AGRN: variants seen among roughly 807,000 people sequenced by gnomAD.
The protein encoded by AGRN is agrin.
A neutral mutation model predicts 211.0 loss-of-function variants in AGRN; 106 were observed. The observed-to-expected ratio is 0.50, with a 90% CI of 0.43 to 0.59. The LOEUF (loss-of-function observed/expected upper bound fraction) is 0.59, where lower values mean the gene tolerates loss of function less well. Ranked by LOEUF, AGRN falls within the 20% of genes least tolerant of loss-of-function variation. The pLI is 0.00. For missense variants in AGRN, 3,040 were observed against 2,982.6 expected (o/e 1.02, Z -0.45); for synonymous variants, 1,525 against 1,332.5 (o/e 1.14, Z -3.15).
intron 2 of AGRN, chr1:1,034,293 A>G: frequency 1.0e-6 from 1 of 985,430 alleles, no homozygotes; most frequent in Non-Finnish European, 1.2e-6. Context: ...GCGGGCTCCC[A>G]GTCCCTCCTC....
chr1:1,051,442 C>A lies in AGRN; in HGVS notation c.5371-11C>A. ...TGGCAGGCGGGACAAGGCCCTCACC[C>A]TGCCCTGCAGGTCTCCCTCGGAGGC... On this transcript the variant is annotated splice_polypyrimidine_tract_variant and intron_variant, in intron 31 of 35. Transcript: ENST00000379370. 2 of 1,549,940 alleles carry A rather than the reference C, an allele frequency of 1.3e-6. No individual in the cohort carries two copies. Among genetic ancestry groups the A allele is most frequent in the East Asian group, 4.7e-5 (2 of 42,306 alleles).
At chr1:1,039,732 G>A (rs1644884115) in intron 3 of AGRN, among the ~76,000 whole-genome samples, 1 of 152,088 alleles carries the variant, frequency 6.6e-6, no homozygotes, top group Non-Finnish European at 1.5e-5. Flanking sequence ...AACAGTTCCT[G>A]CACCTCTCCA....
chr1:1,053,525 C>T (rs560703896), intron 33 of AGRN: 127 of 1,529,544 alleles, frequency 8.3e-5, no homozygotes, highest in Non-Finnish European at 1.1e-4. Context: ...CTGCAGACCC[C>T]TGGCTGGCCC....
At position 1,051,249 on chromosome 1, in the gene AGRN, G is replaced by T. The variant is rs745930414; in HGVS notation, c.5254-4G>T. Reference sequence around the variant, plus strand: ...GCACAGCCACTTACCTGGCGTCCCCGCAGGTTCCGCACACCGTCCTCAACC... The same window carrying T: ...GCACAGCCACTTACCTGGCGTCCCCTCAGGTTCCGCACACCGTCCTCAACC... On this transcript the variant is annotated splice_region_variant and splice_polypyrimidine_tract_variant and intron_variant, in intron 30 of 35. Coordinates refer to ENST00000379370, the MANE Select transcript of AGRN (RefSeq NM_198576.4). 1.9e-6 allele frequency: 3 copies of T among 1,581,116 alleles called. No individual in the cohort carries two copies. The South Asian group carries it at 3.5e-5, about 18-fold the overall frequency.
chr1:1,026,928 G>A (rs1207125142), intron 2 of AGRN, among the ~76,000 whole-genome samples: 5 of 152,234 alleles, frequency 3.3e-5, no homozygotes, highest in Non-Finnish European at 7.3e-5. Flanking sequence ...GAGCAGTCCT[G>A]TGCGCCCCTC....
intron 2 of AGRN, among the ~76,000 whole-genome samples, chr1:1,025,867 C>T (rs975355170): frequency 1.3e-5 from 2 of 152,164 alleles, no homozygotes; most frequent in African/African-American, 4.8e-5. Context: ...GAAGGGCCCA[C>T]CTCTGTCCAT....
intron 6 of AGRN, 52 bp from the exon 7 acceptor site, chr1:1,041,904 G>A (rs1367840878): frequency 4.4e-6 from 7 of 1,602,836 alleles, no homozygotes; most frequent in South Asian, 3.3e-5. Flanking sequence ...TCCCAGGGCA[G>A]GGATGGAGGG....
chr1:1,034,781 G>A (rs1278656019), intron 2 of AGRN: 2 of 964,080 alleles, frequency 2.1e-6, no homozygotes, highest in South Asian at 4.0e-5. Context: ...TGGAGGCCGC[G>A]GCGGGTCCGC....
rs2100663874 is a variant in AGRN at position 1,047,436 on chromosome 1, C to T, written c.3498C>T (p.Ala1166=). 6.2e-7 allele frequency: 1 copy of T among 1,612,828 alleles called. No individual in the cohort carries two copies. Among genetic ancestry groups the T allele is most frequent in the Non-Finnish European group, 8.5e-7 (1 of 1,179,942 alleles). Residue 1166 remains alanine (A), a synonymous_variant, in exon 20 of 36, where the codon GCC becomes GCT. Transcript: ENST00000379370. The stretch of plus-strand genomic sequence containing the variant: ...AGTCAGAACTGTTCGGGGAGACAGC[C>T]AGGAGCATTGAGAGCACCGTAAGAC... ...DPKSELFGET[A]RSIESTLDDL...
Position 1,049,312 on chromosome 1 carries a change from C to G in AGRN, c.4375C>G (p.Leu1459Val), listed in dbSNP as rs1645202794. ...GCCGGGCCAGTGGCACCGCCTGGAG[C>G]TGTCCCGGCACTGGCGCCGGGGCAC... ...VEPGQWHRLE[L>V]SRHWRRGTLS... Residue 1459 changes from leucine to valine, a missense_variant, in exon 25 of 36, where the codon CTG becomes GTG. Coordinates refer to ENST00000379370, the MANE Select transcript of AGRN (RefSeq NM_198576.4). The G allele has an allele frequency of 3.1e-6, 5 of 1,597,564 alleles. No individual in the cohort carries two copies. The highest frequency in any genetic ancestry group is 4.2e-6 in the Non-Finnish European group (5 of 1,179,092).
chr1:1,053,839 C>G lies in AGRN; in HGVS notation c.5738C>G (p.Thr1913Arg), dbSNP rs201604787. Reference protein sequence around the residue: ...QGLVLWSGKATERADYVALAI... With the variant: ...QGLVLWSGKARERADYVALAI... The stretch of plus-strand genomic sequence containing the variant: ...CTGGTGCTCTGGAGTGGCAAGGCCA[C>G]GGAGCGGGCAGACTATGTGGCACTG... The change falls in exon 34 of 36, where the codon ACG (threonine) becomes AGG (arginine). Residue 1913 changes from threonine (T) to arginine (R), a missense_variant. By Grantham distance (71) the Thr-to-Arg change is moderately conservative. This residue lies in a region of AGRN where 1,537 missense variants were observed against 1,505.0 expected (regional missense o/e 1.02). Coordinates refer to ENST00000379370, the MANE Select transcript of AGRN (RefSeq NM_198576.4). 6.2e-7 allele frequency: 1 copy of G among 1,610,550 alleles called. No individual in the cohort carries two copies. Among genetic ancestry groups the G allele is most frequent in the Admixed American group, 1.7e-5 (1 of 59,670 alleles).
rs775832705 is a variant in AGRN at position 1,050,311 on chromosome 1, C to A, written c.4958C>A (p.Thr1653Asn). Reference sequence around the variant, plus strand: ...CACCTGGAGCTGAGAGGCCTGCACACCTTTGCACGGGACCTGGGGTCGGTG... The same window carrying A: ...CACCTGGAGCTGAGAGGCCTGCACAACTTTGCACGGGACCTGGGGTCGGTG... ...FSHLELRGLH[T>N]FARDLGEKMA... The change falls in exon 28 of 36, where the codon ACC becomes AAC. Residue 1653 changes from threonine to asparagine, a missense_variant. Transcript: ENST00000379370. The A allele has an allele frequency of 1.9e-6, 3 of 1,612,934 alleles. No individual in the cohort carries two copies. Among genetic ancestry groups the A allele is most frequent in the Non-Finnish European group, 2.5e-6 (3 of 1,179,906 alleles).
chr1:1,050,339 G>A lies in AGRN; in HGVS notation c.4976+10G>A. ...TTGCACGGGACCTGGGGTCGGTGGG[G>A]CAGGAGCAGGGGGAAGGGCCGGCCC... On this transcript the variant is annotated intron_variant, in intron 28 of 35. Coordinates refer to ENST00000379370, the MANE Select transcript of AGRN (RefSeq NM_198576.4). 6.2e-7 allele frequency: 1 copy of A among 1,612,832 alleles called. No individual in the cohort carries two copies. The highest frequency in any genetic ancestry group is 2.2e-5 in the East Asian group (1 of 44,872).
In AGRN at chr1:1,048,808, G is replaced by A. The variant is rs1022460592; in HGVS notation, c.4106-59G>A. On this transcript the variant is annotated intron_variant, in intron 23 of 35. Transcript: ENST00000379370. The surrounding 1 kb of genome is among the most constrained non-coding windows in gnomAD (Gnocchi z 5.9). ...AAAAAAAGCAGGGGGCGGTTTCAGG[G>A]ATAAAAGTGGGGAATCCTCGGAGCT... 7.6e-6 allele frequency: 11 copies of A among 1,448,052 alleles called. No individual in the cohort carries two copies. The highest frequency in any genetic ancestry group is 4.4e-5 in the African/African-American group (3 of 67,418). The allele number at this position is 1,448,052 out of a possible 1,614,324, so 89.7% of individuals were successfully genotyped here. A position where few individuals can be genotyped will look rare whatever the true frequency, so the allele number is the denominator to read the frequency against.
chr1:1,050,211 G>GGC (rs772639284), intron 27 of AGRN, 22 bp from the exon 28 acceptor site: 7 of 1,612,728 alleles, frequency 4.3e-6, no homozygotes, highest in Non-Finnish European at 5.1e-6. Flanking sequence ...CAGGACTGAG[G>GGC]CCTTGGTGAC....
Position 1,048,020 on chromosome 1 carries a change from C to T in AGRN, c.3760C>T (p.Pro1254Ser), listed in dbSNP as rs1207410103. 3.2e-6 allele frequency: 5 copies of T among 1,584,102 alleles called. No homozygotes were observed. Among genetic ancestry groups the T allele is most frequent in the Non-Finnish European group, 4.3e-6 (5 of 1,168,802 alleles). ...GCTCCCTGTGCCGGCAGACTGGTTT[C>T]CTGCGTTTATCACGGGGGCCACGTC... ...HVRFMDFDWFPAFITGATSGA... is the reference protein window; with the variant it reads ...HVRFMDFDWFSAFITGATSGA... Residue 1254 changes from proline to serine, a missense_variant, in exon 23 of 36, where the codon CCT becomes TCT. Around this residue, in one of 3 missense-constraint regions of AGRN, gnomAD observed 1,537 missense variants for 1,505.0 expected, o/e 1.02. Transcript: ENST00000379370. This position sits in a 1 kb window ranked among gnomAD's most constrained non-coding sequence, Gnocchi z 5.9.
intron 7 of AGRN, among the ~76,000 whole-genome samples, chr1:1,043,035 G>T (rs942869777): frequency 2.6e-5 from 4 of 152,122 alleles, no homozygotes; most frequent in Admixed American, 1.3e-4. Context: ...AGCCACCGGG[G>T]ACTCCTGGGT....
chr1:1,024,411 G>A (rs142593701), intron 2 of AGRN, among the ~76,000 whole-genome samples: 1 of 152,110 alleles, frequency 6.6e-6, no homozygotes. Context: ...CCCTAGTGAG[G>A]GGGATGGATG....
rs1644699436 is a variant in AGRN at position 1,032,705 on chromosome 1, C to T, written c.464-2572C>T. On this transcript the variant is annotated intron_variant, in intron 2 of 35. Transcript: ENST00000379370. The surrounding 1 kb of genome is among the most constrained non-coding windows in gnomAD (Gnocchi z 4.7). ...TGGCGGAGCAGAAGCGCCCTGGCGCCGGGTCCTTGCTTTCCTGGAGCTGGG... is the reference window on the plus strand; with the variant it reads ...TGGCGGAGCAGAAGCGCCCTGGCGCTGGGTCCTTGCTTTCCTGGAGCTGGG... Among the ~76,000 whole-genome samples, 2 of 152,170 alleles carry T rather than the reference C, an allele frequency of 1.3e-5. No homozygotes were observed. Among genetic ancestry groups the T allele is most frequent in the South Asian group, 4.1e-4 (2 of 4,824 alleles).
Sources: gnomAD v4.1 joint callset for allele counts (sites outside exome capture counted in the v4.1 genomes callset) on GRCh38, gnomAD v4.1.1 for gene constraint, gnomAD v4.1.1 regional missense constraint, Gnocchi (gnomAD v3.1) non-coding constraint, MANE v1.5 for transcripts, NCBI Gene and HGNC (gene_info 2026-07-23, HGNC 2026-07-21) for gene names.